Variants in PCGF5 observed in about 807,000 individuals in gnomAD.
PCGF5 encodes polycomb group ring finger 5.
A neutral mutation model predicts 44.3 loss-of-function variants in PCGF5; 9 were observed. That is an observed-to-expected ratio of 0.20 (90% CI 0.12 to 0.35). The LOEUF is 0.35. PCGF5 is among the 10% of genes least tolerant of loss of function. PCGF5 has a pLI of 1.00. For synonymous variants in PCGF5, 95 were observed against 102.5 expected (o/e 0.93, Z 0.44); for missense variants, 146 against 305.3 (o/e 0.48, Z 3.89).
chr10:91,264,476 A>G lies in PCGF5; in HGVS notation c.619A>G (p.Met207Val), dbSNP rs2133426175. ...NGEIMGKDHT[M>V]EFIYMTRWRL... ...TGAAATTATGGGGAAGGATCATACT[A>G]TGGAATTCATCTACATGACAAGATG... Residue 207 changes from methionine (M) to valine (V), a missense_variant, in exon 8 of 10, where the codon ATG (methionine) becomes GTG (valine). Around this residue, in one of 3 missense-constraint regions of PCGF5, gnomAD observed 123 missense variants for 268.6 expected, o/e 0.46. Coordinates refer to ENST00000336126, the MANE Select transcript of PCGF5 (RefSeq NM_032373.5). The G allele has an allele frequency of 6.2e-7, 1 of 1,611,920 alleles. No homozygotes were observed. Among genetic ancestry groups the G allele is most frequent in the Non-Finnish European group, 8.5e-7 (1 of 1,179,200 alleles).
At chr10:91,265,064 G>A (rs1846016995) in intron 8 of PCGF5, among the ~76,000 whole-genome samples, 1 of 152,046 alleles carries the variant, frequency 6.6e-6, no homozygotes, top group African/African-American at 2.4e-5. Flanking sequence ...AAGCATATGG[G>A]AGAAATGATT....
intron 3 of PCGF5, among the ~76,000 whole-genome samples, chr10:91,242,721 A>G (rs1845360303): frequency 6.6e-6 from 1 of 152,138 alleles, no homozygotes; most frequent in African/African-American, 2.4e-5. Context: ...TTGCTTTATC[A>G]TGTGCATATG....
At chr10:91,163,829 G>A in intron 1 of PCGF5, among the ~76,000 whole-genome samples, 1 of 151,392 alleles carries the variant, frequency 6.6e-6, no homozygotes, top group African/African-American at 2.4e-5. Flanking sequence ...CCGCGCGCGT[G>A]CCGGGGTGGT....
At chr10:91,170,609 G>A (rs1032816367) in intron 1 of PCGF5, among the ~76,000 whole-genome samples, 13 of 152,318 alleles carry the variant, frequency 8.5e-5, no homozygotes, top group African/African-American at 3.1e-4. Flanking sequence ...ACTGACAACA[G>A]CAAATGCTGA....
chr10:91,261,259 C>T (rs1845901753), intron 6 of PCGF5, 67 bp from the exon 7 acceptor site: 2 of 1,372,716 alleles, frequency 1.5e-6, no homozygotes, highest in South Asian at 4.0e-5. Context: ...GCTATGGTTT[C>T]ACCAGAAGCA....
chr10:91,251,371 T>C lies in PCGF5; in HGVS notation c.405T>C (p.Ser135=). The C allele has an allele frequency of 2.5e-6, 4 of 1,611,370 alleles. No homozygotes were observed. Among genetic ancestry groups the C allele is most frequent in the Non-Finnish European group, 3.4e-6 (4 of 1,178,222 alleles). ...ENEDDKDYHR[S]DPQIAICLDC... ...AAGATGATAAAGATTATCACAGAAG[T>C]GACCCACAAATTGCTATCTGTCTAG... Residue 135 remains serine, a synonymous_variant, in exon 6 of 10, where the codon AGT becomes AGC. Transcript: ENST00000336126.
At chr10:91,228,609 GA>G (rs1844914749) in intron 2 of PCGF5, among the ~76,000 whole-genome samples, 1 of 152,156 alleles carries the variant, frequency 6.6e-6, no homozygotes, top group South Asian at 2.1e-4. Context: ...TAATATGTAA[GA>G]AGGAATAACT....
At chr10:91,240,888 A>G (rs1428554314) in intron 3 of PCGF5, among the ~76,000 whole-genome samples, 1 of 151,740 alleles carries the variant, frequency 6.6e-6, no homozygotes, top group Non-Finnish European at 1.5e-5. Context: ...GCTACATGGT[A>G]GTAGAAAGAG....
rs534052249 is a variant in PCGF5 at position 91,214,250 on chromosome 10, C to T, written c.-183-8439C>T. Among the ~76,000 whole-genome samples, 7 of 150,638 alleles carry T rather than the reference C, an allele frequency of 4.6e-5. No homozygotes were observed. The East Asian group carries it at 5.9e-4, about 13-fold the overall frequency. On this transcript the variant is annotated intron_variant, in intron 1 of 9. Coordinates refer to the PCGF5 transcript ENST00000614189. Reference sequence around the variant, plus strand: ...CTGGGAGGTTGAGGCTGCAATGAGGCGTGATTGCACCACTGCATTCTGGCC... The same window carrying T: ...CTGGGAGGTTGAGGCTGCAATGAGGTGTGATTGCACCACTGCATTCTGGCC...
chr10:91,216,277 G>C (rs557636845), upstream of PCGF5, among the ~76,000 whole-genome samples: 1 of 152,322 alleles, frequency 6.6e-6, no homozygotes, highest in African/African-American at 2.4e-5. Context: ...TTTGAAATCA[G>C]CTAATACGTG....
At chr10:91,259,901 A>G (rs1845853576) in intron 6 of PCGF5, among the ~76,000 whole-genome samples, 1 of 152,008 alleles carries the variant, frequency 6.6e-6, no homozygotes. Context: ...GGACATAGGC[A>G]TGGGCAAGGA....
intron 3 of PCGF5, among the ~76,000 whole-genome samples, chr10:91,246,968 TAGA>T (rs1845479488): frequency 7.1e-4 from 1 of 1,416 alleles, no homozygotes. Flanking sequence ...GATAGATGGA[TAGA>T]TAGATAGATA....
intron 6 of PCGF5, among the ~76,000 whole-genome samples, chr10:91,251,659 C>T (rs1419868086): frequency 6.6e-6 from 1 of 151,962 alleles, no homozygotes; most frequent in Non-Finnish European, 1.5e-5. Context: ...TGGCTAATGC[C>T]CAGAATCACA....
Position 91,220,708 on chromosome 10 carries a change from C to T in PCGF5, c.-312C>T, listed in dbSNP as rs1564637561. 1 of 151,942 alleles carries T rather than the reference C, an allele frequency of 6.6e-6. No individual in the cohort carries two copies. The allele number at this position is 151,942 out of a possible 1,614,324, so 9.4% of individuals were successfully genotyped here. ...CCCCACAGAGCCGGCGCGCTCCCGC[C>T]TGCAGGGGGAGAGCAGACGGGGCGC... On this transcript the variant is annotated 5_prime_UTR_variant, in exon 1 of 10. Transcript: ENST00000336126.
chr10:91,180,978 A>G (rs938280088), intron 1 of PCGF5, among the ~76,000 whole-genome samples: 3 of 152,214 alleles, frequency 2.0e-5, no homozygotes, highest in Admixed American at 1.3e-4. Context: ...CTTCCTATCT[A>G]TGAGCATGGA....
At chr10:91,235,300 A>T (rs948468783) in intron 2 of PCGF5, among the ~76,000 whole-genome samples, 1 of 152,186 alleles carries the variant, frequency 6.6e-6, no homozygotes, top group African/African-American at 2.4e-5. Flanking sequence ...GCTTTAGATG[A>T]TGCAGTGGCC....
intron 6 of PCGF5, among the ~76,000 whole-genome samples, chr10:91,260,996 T>A (rs969253622): frequency 6.6e-6 from 1 of 151,444 alleles, no homozygotes; most frequent in African/African-American, 2.4e-5. Context: ...TAATAAAAAA[T>A]ATATATATTT....
At chr10:91,184,071 G>T (rs1349446675) in intron 1 of PCGF5, among the ~76,000 whole-genome samples, 1 of 151,930 alleles carries the variant, frequency 6.6e-6, no homozygotes, top group Admixed American at 6.6e-5. Context: ...TATCTTACTG[G>T]GGTTCTCTGC....
intron 8 of PCGF5, 79 bp downstream of exon 8, chr10:91,264,599 C>T: frequency 9.1e-7 from 1 of 1,096,744 alleles, no homozygotes; most frequent in Non-Finnish European, 1.3e-6. Flanking sequence ...ATATTAGAAA[C>T]TAAAAAAGAC....
Sources: allele counts gnomAD v4.1 joint callset (sites outside exome capture counted in the v4.1 genomes callset), GRCh38; gene constraint gnomAD v4.1.1; regional missense constraint gnomAD v4.1.1; transcripts MANE v1.5; gene names NCBI Gene and HGNC (gene_info 2026-07-23, HGNC 2026-07-21).